Variants in NXPH1 observed in about 807,000 individuals in gnomAD.
NXPH1 encodes the protein neurexophilin-1.
Under a neutral mutation model 23.7 loss-of-function variants are expected in NXPH1, and 5 were observed. The ratio of observed to expected loss-of-function variants is 0.21; its 90% CI spans 0.11 to 0.44. The LOEUF is 0.44. Among genes scored for constraint, NXPH1 ranks in the 20% least tolerant of loss-of-function variants. NXPH1 has a pLI of 0.99. For synonymous variants in NXPH1, 144 were observed against 122.2 expected (o/e 1.18, Z -1.18); for missense variants, 324 against 321.6 (o/e 1.01, Z -0.06).
At chr7:8,489,229 G>A (rs763374728) in intron 2 of NXPH1, among the ~76,000 whole-genome samples, 1 of 152,010 alleles carries the variant, frequency 6.6e-6, no homozygotes, top group African/African-American at 2.4e-5. Flanking sequence ...TCCTTCTTCA[G>A]TGTTCTATAC....
intron 2 of NXPH1, among the ~76,000 whole-genome samples, chr7:8,635,844 T>A (rs1011331990): frequency 6.6e-6 from 1 of 152,204 alleles, no homozygotes; most frequent in African/African-American, 2.4e-5. Flanking sequence ...TACACTTGGA[T>A]AGTTTGCCCA....
At chr7:8,645,091 AGT>A (rs1282181614) in intron 2 of NXPH1, among the ~76,000 whole-genome samples, 2 of 152,168 alleles carry the variant, frequency 1.3e-5, no homozygotes, top group African/African-American at 4.8e-5. Flanking sequence ...TAAACATCTG[AGT>A]GGTTCTAAAT....
chr7:8,655,414 C>G (rs77379919), intron 2 of NXPH1, among the ~76,000 whole-genome samples: 1,312 of 14,694 alleles, frequency 0.089, 38 homozygotes, highest in East Asian at 0.53. Flanking sequence ...CTCTCTCTCT[C>G]TCTCTCTCTC....
At chr7:8,503,786 A>G (rs1817476710) in intron 2 of NXPH1, among the ~76,000 whole-genome samples, 1 of 151,888 alleles carries the variant, frequency 6.6e-6, no homozygotes, top group African/African-American at 2.4e-5. Flanking sequence ...TCTGCTGCCC[A>G]TTTAAGGTCC....
chr7:8,642,339 CATT>C (rs1405922285), intron 2 of NXPH1, among the ~76,000 whole-genome samples: 11 of 152,152 alleles, frequency 7.2e-5, no homozygotes, highest in African/African-American at 2.7e-4. Flanking sequence ...GGTCTGATGC[CATT>C]ATCATTTCGA....
At chr7:8,593,683 G>C (rs1028600277) in intron 2 of NXPH1, among the ~76,000 whole-genome samples, 1 of 151,984 alleles carries the variant, frequency 6.6e-6, no homozygotes, top group African/African-American at 2.4e-5. Context: ...TTGATGTCTT[G>C]CTGTCTCTGG....
intron 2 of NXPH1, among the ~76,000 whole-genome samples, chr7:8,624,346 G>A (rs1260517130): frequency 2.0e-5 from 3 of 152,154 alleles, no homozygotes; most frequent in Admixed American, 6.6e-5. Context: ...CCTTGTTGGA[G>A]GAAGGTTGTC....
intron 2 of NXPH1, among the ~76,000 whole-genome samples, chr7:8,513,506 G>T (rs1424306809): frequency 2.6e-5 from 4 of 152,078 alleles, no homozygotes; most frequent in Non-Finnish European, 4.4e-5. Context: ...CCTGCTGGAG[G>T]TTTTACTTAA....
intron 2 of NXPH1, among the ~76,000 whole-genome samples, chr7:8,723,184 C>T (rs566180026): frequency 1.3e-5 from 2 of 152,300 alleles, no homozygotes; most frequent in African/African-American, 4.8e-5. Flanking sequence ...AATAGCCTAA[C>T]ACGTGTCTAA....
intron 2 of NXPH1, among the ~76,000 whole-genome samples, chr7:8,520,698 T>G (rs2057751): frequency 2.0e-5 from 3 of 152,068 alleles, no homozygotes; most frequent in Non-Finnish European, 4.4e-5. Context: ...GTGTCACTCT[T>G]CCCATCTGTT....
Position 8,688,990 on chromosome 7 carries a change from C to T in NXPH1, c.55-62018C>T, listed in dbSNP as rs570370404. On this transcript the variant is annotated intron_variant, in intron 2 of 2. Transcript: ENST00000405863. ...TCTTTGTTTTTGATCTCTTCTGGTGCTTTCCTTAATTATTACAGCACCAAA... is the reference window on the plus strand; with the variant it reads ...TCTTTGTTTTTGATCTCTTCTGGTGTTTTCCTTAATTATTACAGCACCAAA... Among the ~76,000 whole-genome samples the T allele has an allele frequency of 7.9e-5, 12 of 152,220 alleles. 1 individual carries two copies. Among genetic ancestry groups the T allele is most frequent in the African/African-American group, 2.9e-4 (12 of 41,544 alleles).
At chr7:8,687,494 A>T (rs12666083) in intron 2 of NXPH1, among the ~76,000 whole-genome samples, 1 of 151,994 alleles carries the variant, frequency 6.6e-6, no homozygotes, top group Non-Finnish European at 1.5e-5. Flanking sequence ...ATTTTACCTC[A>T]TTTTTCTAAT....
chr7:8,533,422 T>C (rs553157554), intron 2 of NXPH1, among the ~76,000 whole-genome samples: 19 of 152,238 alleles, frequency 1.2e-4, no homozygotes, highest in African/African-American at 4.6e-4. Context: ...GCAAATAATC[T>C]GATATTCTGT....
chr7:8,692,941 T>C (rs1361981138), intron 2 of NXPH1, among the ~76,000 whole-genome samples: 2 of 152,104 alleles, frequency 1.3e-5, no homozygotes, highest in Admixed American at 6.6e-5. Context: ...ATTCTAAGGA[T>C]GCATTACAGA....
intron 2 of NXPH1, among the ~76,000 whole-genome samples, chr7:8,541,828 G>C (rs1242644613): frequency 6.6e-6 from 1 of 151,502 alleles, no homozygotes; most frequent in Admixed American, 6.6e-5. Flanking sequence ...AAGATGTATA[G>C]AGTTAACTCT....
intron 2 of NXPH1, among the ~76,000 whole-genome samples, chr7:8,563,203 G>A (rs910609545): frequency 5.3e-5 from 8 of 151,618 alleles, no homozygotes; most frequent in African/African-American, 1.9e-4. Flanking sequence ...CTAAACTTTG[G>A]GTCCTTGAAT....
At chr7:8,625,209 C>T (rs1222758170) in intron 2 of NXPH1, among the ~76,000 whole-genome samples, 1 of 152,058 alleles carries the variant, frequency 6.6e-6, no homozygotes, top group Non-Finnish European at 1.5e-5. Context: ...ATCCATATAG[C>T]ATTTTGACAT....
chr7:8,751,956 C>T lies in NXPH1; in HGVS notation c.*187C>T, dbSNP rs1780572516. Reference sequence around the variant, plus strand: ...TTTCTGCCCAGTCAGCTTCATCCCTCAGTATAATTGTAAATCATCACAGAT... The same window carrying T: ...TTTCTGCCCAGTCAGCTTCATCCCTTAGTATAATTGTAAATCATCACAGAT... On this transcript the variant is annotated 3_prime_UTR_variant, in exon 3 of 3. Transcript: ENST00000405863. This position sits in a 1 kb window ranked among gnomAD's most constrained non-coding sequence, Gnocchi z 4.5. The T allele has an allele frequency of 6.9e-6, 4 of 583,686 alleles. No individual in the cohort carries two copies. Among genetic ancestry groups the T allele is most frequent in the Non-Finnish European group, 1.2e-5 (4 of 333,890 alleles). 36.2% of individuals were successfully genotyped at this position (583,686 alleles called of 1,614,324 possible). A position where few individuals can be genotyped will look rare whatever the true frequency, so the allele number is the denominator to read the frequency against.
chr7:8,501,296 T>C (rs867768525), intron 2 of NXPH1, among the ~76,000 whole-genome samples: 12 of 152,046 alleles, frequency 7.9e-5, no homozygotes, highest in Admixed American at 6.6e-4. Context: ...TACTGAGTAA[T>C]GAAATGGCAA....
Sources: gnomAD v4.1 joint callset for allele counts (sites outside exome capture counted in the v4.1 genomes callset) on GRCh38, gnomAD v4.1.1 for gene constraint, Gnocchi (gnomAD v3.1) non-coding constraint, MANE v1.5 for transcripts, NCBI Gene and HGNC (gene_info 2026-07-23, HGNC 2026-07-21) for gene names.